Variants in CSMD1 observed in about 807,000 individuals in gnomAD.
The protein encoded by CSMD1 is CUB and Sushi multiple domains 1.
CSMD1 carries 213 observed loss-of-function variants against 417.5 expected under a neutral mutation model. The ratio of observed to expected loss-of-function variants is 0.51; its 90% confidence interval spans 0.46 to 0.57. CSMD1 has a LOEUF of 0.57. CSMD1 is among the 20% of genes least tolerant of loss of function. The pLI, the probability that CSMD1 is intolerant of heterozygous loss-of-function variation, is 0.00. For synonymous variants in CSMD1, 2,862 were observed against 1,736.8 expected (o/e 1.65, Z -16.11); for missense variants, 6,923 against 4,529.7 (o/e 1.53, Z -15.17).
chr8:4,896,083 C>G (rs1031432328), intron 1 of CSMD1, among the ~76,000 whole-genome samples: 1 of 152,106 alleles, frequency 6.6e-6, no homozygotes, highest in Non-Finnish European at 1.5e-5. Context: ...AGGCCTTCCT[C>G]TGTCTGAAAA....
intron 26 of CSMD1, among the ~76,000 whole-genome samples, chr8:3,258,105 T>A (rs1217297134): frequency 1.3e-5 from 2 of 152,096 alleles, no homozygotes; most frequent in African/African-American, 4.8e-5. Context: ...GGTTTCTGGA[T>A]GGGCTGCATG....
In CSMD1 at chr8:3,847,648, G is replaced by C. The variant is rs1285317364; in HGVS notation, c.819-93606C>G. ...AGCCCCGAGAAAACACGGATGCACT[G>C]CCTTCAGCTGCTGCATTTCTGGTCA... is the stretch of plus-strand genomic sequence containing the variant. On this transcript the variant is annotated intron_variant, in intron 5 of 69. Transcript: ENST00000635120. Among the ~76,000 whole-genome samples, 4 of 152,044 alleles carry C rather than the reference G, an allele frequency of 2.6e-5. No homozygotes were observed. The East Asian group carries it at 7.7e-4, about 29-fold the overall frequency.
intron 2 of CSMD1, among the ~76,000 whole-genome samples, chr8:4,458,176 T>A (rs1024989560): frequency 2.6e-5 from 4 of 152,184 alleles, no homozygotes; most frequent in Non-Finnish European, 5.9e-5. Context: ...ATTAATATAC[T>A]AAATATCAAA....
At chr8:4,105,685 A>G (rs1468394178) in intron 3 of CSMD1, among the ~76,000 whole-genome samples, 1 of 152,218 alleles carries the variant, frequency 6.6e-6, no homozygotes, top group Non-Finnish European at 1.5e-5. Context: ...TTTACCTGTC[A>G]TATTAGCCTA....
intron 1 of CSMD1, among the ~76,000 whole-genome samples, chr8:4,740,685 A>G (rs1288718671): frequency 6.6e-6 from 1 of 152,236 alleles, no homozygotes; most frequent in East Asian, 1.9e-4. Flanking sequence ...GAATCTACTC[A>G]AGGAGGGTGA....
At chr8:4,548,434 G>A (rs752834461) in intron 2 of CSMD1, among the ~76,000 whole-genome samples, 138 of 151,952 alleles carry the variant, frequency 9.1e-4, no homozygotes, top group Non-Finnish European at 4.3e-4. Context: ...TAACATTCCT[G>A]ACTTTCATAT....
chr8:4,233,320 A>G (rs1714679), intron 3 of CSMD1, among the ~76,000 whole-genome samples: 152,141 of 152,326 alleles, frequency 1, 75,978 homozygotes, highest in Non-Finnish European at 1. Context: ...AATGTTAAAA[A>G]CCTCTCTTCA....
Position 4,096,107 on chromosome 8 carries a change from T to C in CSMD1, c.416-64008A>G, listed in dbSNP as rs112030618. Reference sequence around the variant, plus strand: ...ATGTTATCACAAGACTGTTGTTGGATGGTTCCTCAAAAACATCCAGGGTCC... The same window carrying C: ...ATGTTATCACAAGACTGTTGTTGGACGGTTCCTCAAAAACATCCAGGGTCC... On this transcript the variant is annotated intron_variant, in intron 3 of 69. Coordinates refer to ENST00000635120, the MANE Select transcript of CSMD1 (RefSeq NM_033225.6). Among the ~76,000 whole-genome samples, 925 of 152,232 alleles carry C rather than the reference T, an allele frequency of 6.1e-3. 11 individuals carry two copies. The highest frequency in any genetic ancestry group is 0.021 in the African/African-American group (893 of 41,536).
intron 1 of CSMD1, among the ~76,000 whole-genome samples, chr8:4,761,416 A>G (rs762105339): frequency 3.3e-5 from 5 of 152,164 alleles, no homozygotes; most frequent in Non-Finnish European, 5.9e-5. Flanking sequence ...ATATATACAC[A>G]CAATTACATA....
chr8:4,838,196 G>T lies in CSMD1; in HGVS notation c.85+156136C>A, dbSNP rs151050104. 2.0e-5 allele frequency among the ~76,000 whole-genome samples: 3 copies of T among 152,210 alleles called. No homozygotes were observed. In the East Asian group the frequency reaches 5.8e-4, roughly 29 times the overall value. The stretch of plus-strand genomic sequence containing the variant: ...TTAGCTTGTGTGCAGTGTTCTCCCC[G>T]CTCTTCAATCCTTTGAGATCTCCTT... On this transcript the variant is annotated intron_variant, in intron 1 of 69. Transcript: ENST00000635120.
intron 17 of CSMD1, among the ~76,000 whole-genome samples, chr8:3,391,265 C>G (rs1442903840): frequency 1.3e-5 from 2 of 152,182 alleles, no homozygotes; most frequent in African/African-American, 4.8e-5. Context: ...ATATATCAAT[C>G]ACACAGTAGA....
At chr8:3,297,060 G>C (rs1584950288) in intron 25 of CSMD1, among the ~76,000 whole-genome samples, 2 of 152,158 alleles carry the variant, frequency 1.3e-5, no homozygotes. Flanking sequence ...GAAGTACCTG[G>C]TCACATATGT....
chr8:4,471,198 G>T (rs1423218468), intron 2 of CSMD1, among the ~76,000 whole-genome samples: 1 of 151,998 alleles, frequency 6.6e-6, no homozygotes, highest in Non-Finnish European at 1.5e-5. Context: ...CATTATTATG[G>T]AAAAACAATC....
intron 3 of CSMD1, among the ~76,000 whole-genome samples, chr8:4,233,982 G>A (rs542259736): frequency 1.2e-3 from 178 of 151,836 alleles, no homozygotes; most frequent in African/African-American, 4.0e-3. Flanking sequence ...GGGGGGTGGG[G>A]GAACATGTGA....
At chr8:4,673,142 G>C (rs984337831) in intron 1 of CSMD1, among the ~76,000 whole-genome samples, 1 of 152,072 alleles carries the variant, frequency 6.6e-6, no homozygotes, top group Non-Finnish European at 1.5e-5. Context: ...TGAGGACATT[G>C]AGGGGAAAAA....
chr8:4,226,085 C>CAT (rs1801337663), intron 3 of CSMD1, among the ~76,000 whole-genome samples: 2 of 149,478 alleles, frequency 1.3e-5, no homozygotes, highest in African/African-American at 5.1e-5. Flanking sequence ...CACACACACA[C>CAT]ACACACACAC....
intron 1 of CSMD1, among the ~76,000 whole-genome samples, chr8:4,921,049 AAAAGAGAAAGAAAAG>A (rs1446797731): frequency 6.6e-6 from 1 of 150,796 alleles, no homozygotes; most frequent in East Asian, 1.9e-4. Context: ...AGGAAGAAAG[AAAAGAGAAAGAAAAG>A]AAAGAGAAAG....
At chr8:3,467,341 G>A (rs896073741) in intron 12 of CSMD1, among the ~76,000 whole-genome samples, 4 of 152,150 alleles carry the variant, frequency 2.6e-5, no homozygotes, top group African/African-American at 7.2e-5. Context: ...TTTCACTGAT[G>A]ATTTCAGATT....
chr8:3,502,038 G>A (rs1008373968), intron 10 of CSMD1, among the ~76,000 whole-genome samples: 1 of 152,066 alleles, frequency 6.6e-6, no homozygotes, highest in Non-Finnish European at 1.5e-5. Flanking sequence ...CCAACTATAT[G>A]CTTATCAAAT....
Sources: gnomAD v4.1 joint callset for allele counts (sites outside exome capture counted in the v4.1 genomes callset) on GRCh38, gnomAD v4.1.1 for gene constraint, MANE v1.5 for transcripts, NCBI Gene and HGNC (gene_info 2026-07-23, HGNC 2026-07-21) for gene names.